The following MAPKAP1 variants were observed in gnomAD, a reference collection of about 807,000 sequenced individuals.
MAPKAP1 encodes the protein target of rapamycin complex 2 subunit MAPKAP1.
A neutral mutation model predicts 65.7 loss-of-function variants in MAPKAP1; 20 were observed. That is an observed-to-expected ratio of 0.30 (90% confidence interval 0.21 to 0.44). The LOEUF (loss-of-function observed/expected upper bound fraction) is 0.44, where lower values mean the gene tolerates loss of function less well. MAPKAP1 is among the 20% of genes least tolerant of loss of function. The pLI, the probability that MAPKAP1 is intolerant of heterozygous loss-of-function variation, is 1.00. For synonymous variants in MAPKAP1, 222 were observed against 244.3 expected, an observed-to-expected ratio of 0.91 and a Z score of 0.85; for missense variants, 423 against 648.0, an observed-to-expected ratio of 0.65 and a Z score of 3.77.
chr9:125,605,623 C>A (rs1832418897), intron 4 of MAPKAP1, among the ~76,000 whole-genome samples: 1 of 152,178 alleles, frequency 6.6e-6, no homozygotes, highest in East Asian at 1.9e-4. Flanking sequence ...AACCCATTGT[C>A]ACAGGCTCCA....
intron 6 of MAPKAP1, among the ~76,000 whole-genome samples, chr9:125,548,680 T>C (rs1165898980): frequency 6.6e-6 from 1 of 152,146 alleles, no homozygotes; most frequent in Non-Finnish European, 1.5e-5. Context: ...AGATGAGCCA[T>C]TAGTTAAAAA....
intron 10 of MAPKAP1, among the ~76,000 whole-genome samples, chr9:125,459,780 G>A (rs963549242): frequency 4.6e-5 from 7 of 151,356 alleles, no homozygotes; most frequent in Non-Finnish European, 1.0e-4. Context: ...GTCCAGCTTC[G>A]GCTCGGCATC....
At chr9:125,545,347 C>T (rs1477267764) in intron 6 of MAPKAP1, among the ~76,000 whole-genome samples, 2 of 152,212 alleles carry the variant, frequency 1.3e-5, no homozygotes, top group African/African-American at 4.8e-5. Context: ...TGCTCTGGCG[C>T]TAGGCCAGTG....
Position 125,692,630 on chromosome 9 carries a change from C to G in MAPKAP1, c.-70+14341G>C, listed in dbSNP as rs1043981687. ...GTCATTAAATTGTACATTTTAGAGGCGTGAATTTTATGGTATGCGAATTAT... is the reference window on the plus strand; with the variant it reads ...GTCATTAAATTGTACATTTTAGAGGGGTGAATTTTATGGTATGCGAATTAT... On this transcript the variant is annotated intron_variant, in intron 1 of 11. Transcript: ENST00000265960. Among the ~76,000 whole-genome samples the G allele has an allele frequency of 2.0e-5, 3 of 151,864 alleles. No individual in the cohort carries two copies. The East Asian group carries it at 5.8e-4, about 29-fold the overall frequency.
intron 7 of MAPKAP1, among the ~76,000 whole-genome samples, chr9:125,519,989 G>C (rs908048743): frequency 2.6e-5 from 4 of 152,142 alleles, no homozygotes; most frequent in African/African-American, 4.8e-5. Flanking sequence ...TCTAGGGAAT[G>C]TTCTGCAAAC....
In MAPKAP1 at chr9:125,672,413, A is replaced by G. The variant is rs1834523053; in HGVS notation, c.162T>C (p.Ile54=). The G allele has an allele frequency of 2.5e-6, 4 of 1,614,142 alleles. No individual in the cohort carries two copies. Among genetic ancestry groups the G allele is most frequent in the Non-Finnish European group, 3.4e-6 (4 of 1,180,022 alleles). The change falls in exon 2 of 12, where the codon ATT becomes ATC. Residue 54 remains isoleucine (I), a synonymous_variant. Transcript: ENST00000265960. The part of the protein sequence containing the change: ...PSMPGDSGSE[I]QGSNGETQGY... ...CCTGAGTCTCACCATTGCTTCCCTG[A>G]ATTTCTGACCCACTGTCTCCAGGCA...
At chr9:125,616,362 C>T (rs964721352) in intron 4 of MAPKAP1, among the ~76,000 whole-genome samples, 13 of 152,086 alleles carry the variant, frequency 8.5e-5, no homozygotes, top group Non-Finnish European at 1.5e-5. Flanking sequence ...TAATTCAATA[C>T]ATTAAAAACA....
intron 7 of MAPKAP1, among the ~76,000 whole-genome samples, chr9:125,513,390 G>A (rs1829365980): frequency 6.6e-6 from 1 of 152,164 alleles, no homozygotes; most frequent in Non-Finnish European, 1.5e-5. Context: ...CATGTCAACT[G>A]TTTTCCATTC....
chr9:125,665,221 T>C (rs756905198), intron 3 of MAPKAP1, among the ~76,000 whole-genome samples: 28 of 152,238 alleles, frequency 1.8e-4, no homozygotes, highest in Non-Finnish European at 2.9e-4. Context: ...GGCACAAGAA[T>C]TGTGTGAACC....
At chr9:125,646,270 C>A (rs1833722893) in intron 4 of MAPKAP1, among the ~76,000 whole-genome samples, 1 of 151,984 alleles carries the variant, frequency 6.6e-6, no homozygotes, top group Admixed American at 6.6e-5. Flanking sequence ...CACTTGAGCC[C>A]AGGAGACCAG....
chr9:125,442,931 T>A (rs181813180), intron 11 of MAPKAP1, among the ~76,000 whole-genome samples: 1 of 152,354 alleles, frequency 6.6e-6, no homozygotes, highest in Admixed American at 6.5e-5. Flanking sequence ...CATGCATATC[T>A]GGGGAATTAA....
chr9:125,663,329 G>T (rs1834243376), intron 3 of MAPKAP1, among the ~76,000 whole-genome samples: 1 of 152,058 alleles, frequency 6.6e-6, no homozygotes, highest in South Asian at 2.1e-4. Flanking sequence ...CCTCCTCTTA[G>T]AACACTCATC....
chr9:125,585,323 G>C (rs1321387895), intron 5 of MAPKAP1, among the ~76,000 whole-genome samples: 4 of 152,152 alleles, frequency 2.6e-5, no homozygotes, highest in Non-Finnish European at 4.4e-5. Flanking sequence ...AAAGGGTTTG[G>C]AAATTACTAA....
chr9:125,694,061 G>GC (rs1835312674), intron 1 of MAPKAP1, among the ~76,000 whole-genome samples: 1 of 151,854 alleles, frequency 6.6e-6, no homozygotes, highest in African/African-American at 2.4e-5. Context: ...GGGCACGGTG[G>GC]CTCATGCTTG....
chr9:125,654,518 A>G (rs1013535607), intron 4 of MAPKAP1, among the ~76,000 whole-genome samples: 1 of 152,244 alleles, frequency 6.6e-6, no homozygotes, highest in African/African-American at 2.4e-5. Context: ...TATCAAAATG[A>G]TAAACCTGAC....
At chr9:125,636,863 C>T (rs996027158) in intron 4 of MAPKAP1, among the ~76,000 whole-genome samples, 1 of 152,174 alleles carries the variant, frequency 6.6e-6, no homozygotes, top group African/African-American at 2.4e-5. Flanking sequence ...CCTGTCTTAC[C>T]CTAATCCACC....
At chr9:125,477,652 C>T (rs898234984) in intron 9 of MAPKAP1, among the ~76,000 whole-genome samples, 1 of 152,176 alleles carries the variant, frequency 6.6e-6, no homozygotes, top group Non-Finnish European at 1.5e-5. Context: ...TTGGCTGGTG[C>T]ATTGTAATTT....
In MAPKAP1 at chr9:125,706,965, C is replaced by G. The variant is rs963160407; in HGVS notation, c.-70+6G>C. On this transcript the variant is annotated splice_donor_region_variant and intron_variant, in intron 1 of 11. Transcript: ENST00000265960. ...GCGGGGAGCTGGCGGCTGGGGCAAC[C>G]TTTACCTGAAGCTGCTTCCACACTA... 6 of 394,534 alleles carry G rather than the reference C, an allele frequency of 1.5e-5. No individual in the cohort carries two copies. Among genetic ancestry groups the G allele is most frequent in the Non-Finnish European group, 2.7e-5 (6 of 224,002 alleles). The allele number at this position is 394,534 out of a possible 1,614,324, so 24.4% of individuals were successfully genotyped here.
At chr9:125,636,790 C>G (rs1023729344) in intron 4 of MAPKAP1, among the ~76,000 whole-genome samples, 4 of 152,170 alleles carry the variant, frequency 2.6e-5, no homozygotes, top group African/African-American at 9.7e-5. Context: ...ACAAAGGGTC[C>G]AAGAGAAGCT....
Sources: gnomAD v4.1 joint callset for allele counts (sites outside exome capture counted in the v4.1 genomes callset) on GRCh38, gnomAD v4.1.1 for gene constraint, MANE v1.5 for transcripts, NCBI Gene and HGNC (gene_info 2026-07-23, HGNC 2026-07-21) for gene names.